MALAT1: variants seen among roughly 807,000 people sequenced by gnomAD.
MALAT1 encodes hepcarcin.
chr11:65,500,035 T>G, exon 3 of MALAT1: 1 of 433,096 alleles, frequency 2.3e-6, no homozygotes. Context: ...GCCCATCAAT[T>G]TAATTTCTGG....
chr11:65,506,354 A>G, exon 4 of MALAT1: 1 of 460,450 alleles, frequency 2.2e-6, no homozygotes. Context: ...TATTTACACG[A>G]GAACCTAATA....
At chr11:65,502,538 A>T (rs754105971) in exon 3 of MALAT1, 2 of 484,400 alleles carry the variant, frequency 4.1e-6, no homozygotes, top group South Asian at 3.1e-5. Context: ...TCTGTTTGTA[A>T]ATTGTAACTG....
At chr11:65,500,737 C>T (rs369650919) in exon 3 of MALAT1, 2 of 518,974 alleles carry the variant, frequency 3.9e-6, no homozygotes, top group Non-Finnish European at 7.7e-6. Context: ...GCCAGTGTGC[C>T]AAGGCCACAG....
chr11:65,506,436 C>G (rs755580179), downstream of MALAT1: 1 of 338,896 alleles, frequency 3.0e-6, no homozygotes, highest in Non-Finnish European at 5.8e-6. Context: ...GAAAACTTAA[C>G]AATTTTGTGT....
exon 3 of MALAT1, chr11:65,501,224 A>ATTTTTTTTTTTT: frequency 4.4e-6 from 1 of 229,402 alleles, no homozygotes; most frequent in Admixed American, 5.1e-5. Flanking sequence ...AGTTTTCAGT[A>ATTTTTTTTTTTT]TTTTTTTTTG....
At chr11:65,501,224 A>ATTTTTTTTTGTT in exon 3 of MALAT1, 5 of 229,386 alleles carry the variant, frequency 2.2e-5, no homozygotes, top group South Asian at 3.0e-5. Context: ...AGTTTTCAGT[A>ATTTTTTTTTGTT]TTTTTTTTTG....
exon 3 of MALAT1, chr11:65,501,363 G>A (rs778629099): frequency 1.9e-6 from 1 of 518,668 alleles, no homozygotes; most frequent in African/African-American, 1.9e-5. Context: ...ACCACCACAG[G>A]TTTACAGTTT....
chr11:65,497,880 A>G (rs751111913), intron 1 of MALAT1: 1 of 518,718 alleles, frequency 1.9e-6, no homozygotes, highest in Non-Finnish European at 3.9e-6. Context: ...GTCCCCTCTG[A>G]CGCCTCCGGG....
chr11:65,501,729 T>G, exon 3 of MALAT1: 1 of 519,002 alleles, frequency 1.9e-6, no homozygotes, highest in Non-Finnish European at 3.8e-6. Flanking sequence ...TACAGCACAG[T>G]GCAGCTTTGG....
rs774669691 is a variant in MALAT1, at chr11:65,500,467, TTGA to T, written n.1734_1736del. The T allele has an allele frequency of 5.8e-6, 3 of 518,828 alleles. No homozygotes were observed. The Admixed American group carries it at 5.8e-5, about 10-fold the overall frequency. The allele number at this position is 518,828 out of a possible 1,614,324, so 32.1% of individuals were successfully genotyped here. ...CAGACAGGATTCCAGGAACCAGTGTTTGATGAAGCTAGGACTGAGGAGCAAGCG... is the reference window on the plus strand; with the variant it reads ...CAGACAGGATTCCAGGAACCAGTGTTTGAAGCTAGGACTGAGGAGCAAGCG... On this transcript the variant is annotated non_coding_transcript_exon_variant, in exon 3 of 4. Transcript: ENST00000619449.
chr11:65,499,402 A>T (rs766343690), exon 3 of MALAT1: 2 of 485,214 alleles, frequency 4.1e-6, no homozygotes, highest in African/African-American at 3.9e-5. Context: ...TAGAAGGGCA[A>T]TGCTTTTAGA....
intron 3 of MALAT1, chr11:65,504,210 A>T: frequency 2.0e-6 from 1 of 511,908 alleles, no homozygotes; most frequent in East Asian, 5.5e-5. Context: ...TGTTCTAGTG[A>T]GTGTATGAGA....
chr11:65,505,534 T>TC (rs1263647871), intron 3 of MALAT1: 1 of 515,666 alleles, frequency 1.9e-6, no homozygotes, highest in Non-Finnish European at 3.9e-6. Context: ...AAGCAAGGTC[T>TC]CCCCACAAGC....
chr11:65,504,654 C>T, intron 3 of MALAT1: 1 of 518,806 alleles, frequency 1.9e-6, no homozygotes, highest in Non-Finnish European at 3.8e-6. Flanking sequence ...TTAGTCTTTT[C>T]CAGATGCAAC....
intron 3 of MALAT1, chr11:65,504,454 T>C (rs770094824): frequency 7.7e-6 from 4 of 518,998 alleles, no homozygotes; most frequent in Non-Finnish European, 1.5e-5. Flanking sequence ...TTAAAAGTTG[T>C]GTTCCCCAAT....
chr11:65,500,752 A>G (rs758046986), exon 3 of MALAT1: 1 of 519,004 alleles, frequency 1.9e-6, no homozygotes, highest in Non-Finnish European at 3.8e-6. Context: ...CCACAGGGAA[A>G]GCGAGTGGTT....
chr11:65,498,956 C>T (rs1405705978), intron 2 of MALAT1: 1 of 518,672 alleles, frequency 1.9e-6, no homozygotes, highest in South Asian at 1.4e-5. Flanking sequence ...TACTTTTTGC[C>T]TCCCTCACAA....
exon 3 of MALAT1, chr11:65,500,655 C>T (rs372812148): frequency 4.4e-5 from 23 of 518,842 alleles, no homozygotes; most frequent in East Asian, 2.2e-4. Flanking sequence ...ATGAAGGTAG[C>T]AGGCGGCTTG....
chr11:65,498,726 C>A (rs1338358148), exon 2 of MALAT1: 1 of 518,778 alleles, frequency 1.9e-6, no homozygotes, highest in Admixed American at 1.9e-5. Context: ...ACAAGAAGTG[C>A]TTTAAGAGGT....
Sources: gnomAD v4.1 joint callset for allele counts on GRCh38, gnomAD v4.1.1 for gene constraint, MANE v1.5 for transcripts, NCBI Gene and HGNC (gene_info 2026-07-23, HGNC 2026-07-21) for gene names.